Variants in LRMDA observed in about 807,000 individuals in gnomAD.
LRMDA encodes the protein leucine-rich melanocyte differentiation-associated protein.
A neutral mutation model predicts 29.8 loss-of-function variants in LRMDA; 18 were observed. That is an observed-to-expected ratio of 0.60 (90% CI 0.42 to 0.90). The LOEUF is 0.90. LRMDA is among the 40% of genes least tolerant of loss of function. The probability of loss-of-function intolerance (pLI) is 0.00; values close to 1 mark genes in which losing one functional copy is unlikely to be tolerated. For missense variants in LRMDA, 273 were observed against 273.9 expected (o/e 1.00, Z 0.02); for synonymous variants, 125 against 109.4 (o/e 1.14, Z -0.89).
intron 2 of LRMDA, among the ~76,000 whole-genome samples, chr10:75,992,412 A>T (rs375809788): frequency 6.6e-6 from 1 of 152,324 alleles, no homozygotes; most frequent in Non-Finnish European, 1.5e-5. Flanking sequence ...CATCTCATAC[A>T]GAGTTTCCCT....
chr10:75,527,920 A>C (rs1272363383), intron 2 of LRMDA, among the ~76,000 whole-genome samples: 1 of 151,838 alleles, frequency 6.6e-6, no homozygotes, highest in Non-Finnish European at 1.5e-5. Context: ...GGAACTTAGG[A>C]CTATAGGCAC....
At chr10:75,463,037 G>A (rs933679105) in intron 2 of LRMDA, among the ~76,000 whole-genome samples, 6 of 152,298 alleles carry the variant, frequency 3.9e-5, no homozygotes, top group Admixed American at 2.6e-4. Context: ...GACACCTGAG[G>A]CTCCGTTGTT....
At chr10:75,750,604 G>T (rs1277222913) in intron 2 of LRMDA, among the ~76,000 whole-genome samples, 1 of 150,312 alleles carries the variant, frequency 6.7e-6, no homozygotes, top group African/African-American at 2.5e-5. Context: ...AGACGGGATG[G>T]CGGCCGGGCA....
At chr10:75,874,532 A>C (rs1845165003) in intron 2 of LRMDA, among the ~76,000 whole-genome samples, 1 of 152,220 alleles carries the variant, frequency 6.6e-6, no homozygotes, top group East Asian at 1.9e-4. Context: ...TTTTGGTCCA[A>C]CATGGAGTAG....
chr10:76,314,217 G>C (rs1222647076), intron 5 of LRMDA, among the ~76,000 whole-genome samples: 1 of 152,042 alleles, frequency 6.6e-6, no homozygotes, highest in Non-Finnish European at 1.5e-5. Flanking sequence ...CTACCATTAG[G>C]CTACGACACA....
chr10:75,880,692 C>T (rs1215328012), intron 2 of LRMDA, among the ~76,000 whole-genome samples: 1 of 152,202 alleles, frequency 6.6e-6, no homozygotes, highest in East Asian at 1.9e-4. Flanking sequence ...TGGTCCTTGA[C>T]TCTCAGGAAA....
At chr10:76,161,688 A>G (rs1850650718) in intron 5 of LRMDA, among the ~76,000 whole-genome samples, 1 of 152,246 alleles carries the variant, frequency 6.6e-6, no homozygotes, top group Non-Finnish European at 1.5e-5. Context: ...GATGAGGCCA[A>G]CAGTCCAAAA....
intron 2 of LRMDA, among the ~76,000 whole-genome samples, chr10:75,563,085 A>C (rs1486619719): frequency 6.6e-6 from 1 of 152,066 alleles, no homozygotes; most frequent in Non-Finnish European, 1.5e-5. Flanking sequence ...CTGCCTTGCT[A>C]GATTGGGGAA....
At chr10:75,685,501 A>T (rs922588731) in intron 2 of LRMDA, among the ~76,000 whole-genome samples, 3 of 152,224 alleles carry the variant, frequency 2.0e-5, no homozygotes, top group African/African-American at 7.2e-5. Flanking sequence ...TGAGTTTTCC[A>T]GGTGGCCCCA....
At chr10:75,770,769 C>G (rs913837282) in intron 2 of LRMDA, among the ~76,000 whole-genome samples, 2 of 152,184 alleles carry the variant, frequency 1.3e-5, no homozygotes, top group Non-Finnish European at 2.9e-5. Context: ...TTTGTGGAAA[C>G]TCTCCTTGCT....
rs1306993794 is a variant in LRMDA, at chr10:76,158,687, C to A, written c.516+99904C>A. Among the ~76,000 whole-genome samples the A allele has an allele frequency of 3.3e-5, 5 of 152,024 alleles. No individual in the cohort carries two copies. In the South Asian group the frequency reaches 1.0e-3, roughly 32 times the overall value. ...GTTGAATATCAGAACTGCAAGAAACCTTAAAGATCATCATGCTGAATTCTT... is the reference window on the plus strand; with the variant it reads ...GTTGAATATCAGAACTGCAAGAAACATTAAAGATCATCATGCTGAATTCTT... On this transcript the variant is annotated intron_variant, in intron 5 of 6. Transcript: ENST00000611255.
chr10:76,513,825 G>C (rs539198712), intron 6 of LRMDA, among the ~76,000 whole-genome samples: 2 of 152,134 alleles, frequency 1.3e-5, no homozygotes, highest in Non-Finnish European at 2.9e-5. Context: ...GGCAGGTCAG[G>C]TATGTGTGAA....
chr10:76,079,788 C>A (rs1392487850), intron 5 of LRMDA, among the ~76,000 whole-genome samples: 1 of 152,110 alleles, frequency 6.6e-6, no homozygotes, highest in African/African-American at 2.4e-5. Flanking sequence ...AAAAAGAATG[C>A]TCTGGATAAG....
chr10:76,150,757 G>A (rs1055670844), intron 5 of LRMDA, among the ~76,000 whole-genome samples: 1 of 152,220 alleles, frequency 6.6e-6, no homozygotes, highest in Non-Finnish European at 1.5e-5. Flanking sequence ...GGCAAGGATA[G>A]CGAACACACT....
intron 2 of LRMDA, among the ~76,000 whole-genome samples, chr10:75,851,382 TG>T (rs1406500587): frequency 6.6e-6 from 1 of 152,232 alleles, no homozygotes; most frequent in Non-Finnish European, 1.5e-5. Context: ...TGTTGTGTCT[TG>T]CCTCCTGGCT....
intron 5 of LRMDA, among the ~76,000 whole-genome samples, chr10:76,168,635 T>A (rs1218698970): frequency 6.6e-6 from 1 of 151,628 alleles, no homozygotes; most frequent in African/African-American, 2.4e-5. Context: ...GGAAAGGGGA[T>A]GATGAGTAGA....
At chr10:76,118,278 G>A (rs1849701092) in intron 5 of LRMDA, among the ~76,000 whole-genome samples, 1 of 152,192 alleles carries the variant, frequency 6.6e-6, no homozygotes, top group Non-Finnish European at 1.5e-5. Context: ...GAGGAGTGGA[G>A]TTAATTAACT....
chr10:76,510,940 C>T (rs1464327992), intron 6 of LRMDA, among the ~76,000 whole-genome samples: 1 of 152,150 alleles, frequency 6.6e-6, no homozygotes, highest in East Asian at 1.9e-4. Flanking sequence ...GCAAAGGATT[C>T]TTCCTTTGAA....
chr10:75,522,137 G>A (rs1459535062), intron 2 of LRMDA, among the ~76,000 whole-genome samples: 1 of 152,212 alleles, frequency 6.6e-6, no homozygotes, highest in Non-Finnish European at 1.5e-5. Flanking sequence ...AGCAGGCGCT[G>A]TTCTATGCCC....
Sources: allele counts gnomAD v4.1 joint callset (sites outside exome capture counted in the v4.1 genomes callset), GRCh38; gene constraint gnomAD v4.1.1; transcripts MANE v1.5; gene names NCBI Gene and HGNC (gene_info 2026-07-23, HGNC 2026-07-21).